Variants in PCDHGA10 observed in about 807,000 individuals in gnomAD.
The protein encoded by PCDHGA10 is protocadherin gamma subfamily A, 10.
A neutral mutation model predicts 59.5 loss-of-function variants in PCDHGA10; 42 were observed. That is an observed-to-expected ratio of 0.71 (90% CI 0.55 to 0.91). The LOEUF is 0.91. Ranked by LOEUF, PCDHGA10 falls within the 40% of genes least tolerant of loss-of-function variation. The probability of loss-of-function intolerance (pLI) is 0.00; values close to 1 mark genes in which losing one functional copy is unlikely to be tolerated. For missense variants in PCDHGA10, 1,111 were observed against 1,198.2 expected, an observed-to-expected ratio of 0.93 and a Z score of 1.07; for synonymous variants, 511 against 517.2, an observed-to-expected ratio of 0.99 and a Z score of 0.16.
Position 141,413,033 on chromosome 5 carries a change from T to G in PCDHGA10, c.-143T>G. On this transcript the variant is annotated 5_prime_UTR_variant, in exon 1 of 4. Coordinates refer to ENST00000398610, the MANE Select transcript of PCDHGA10 (RefSeq NM_018913.3). Reference sequence around the variant, plus strand: ...AACTACACAAGCCCCACAAACCGGCTGCTGGGCTGCAGGGAAGCTCACTCC... The same window carrying G: ...AACTACACAAGCCCCACAAACCGGCGGCTGGGCTGCAGGGAAGCTCACTCC... 1 of 776,760 alleles carries G rather than the reference T, an allele frequency of 1.3e-6. No individual in the cohort carries two copies. The highest frequency in any genetic ancestry group is 2.0e-6 in the Non-Finnish European group (1 of 506,830). The allele number at this position is 776,760 out of a possible 1,614,324, so 48.1% of individuals were successfully genotyped here.
intron 1 of PCDHGA10, chr5:141,427,973 C>G (rs754410723): frequency 3.1e-6 from 5 of 1,593,936 alleles, no homozygotes; most frequent in Non-Finnish European, 3.4e-6. Flanking sequence ...TGCTGTACCC[C>G]GCGCTGGGGC....
Position 141,486,200 on chromosome 5 carries a change from G to A in PCDHGA10, c.2437-8607G>A, listed in dbSNP as rs764874531. The stretch of plus-strand genomic sequence containing the variant: ...CAGCCTTCGAGTGGATCTGCTGGAC[G>A]TAAATGACAATGCCCCTTACATCAC... On this transcript the variant is annotated intron_variant, in intron 1 of 3. Transcript: ENST00000398610. The surrounding 1 kb of genome is among the most constrained non-coding windows in gnomAD (Gnocchi z 5.0). The A allele has an allele frequency of 2.0e-5, 32 of 1,614,096 alleles. No homozygotes were observed. Among genetic ancestry groups the A allele is most frequent in the Non-Finnish European group, 2.3e-5 (27 of 1,180,040 alleles).
rs144018757 is a variant in PCDHGA10, at chr5:141,443,001, A to G, written c.2436+27390A>G. On this transcript the variant is annotated intron_variant, in intron 1 of 3. Transcript: ENST00000398610. ...GTTAGCCTATAATTTCAGTAAATCTAAGAATATGACTAATGGAAGTTGCCA... is the reference window on the plus strand; with the variant it reads ...GTTAGCCTATAATTTCAGTAAATCTGAGAATATGACTAATGGAAGTTGCCA... Among the ~76,000 whole-genome samples the G allele has an allele frequency of 1.3e-3, 194 of 152,312 alleles. 1 individual carries two copies. The East Asian group carries it at 0.032, about 25-fold the overall frequency.
In PCDHGA10 at chr5:141,431,746, G is replaced by C. The variant is rs780453684; in HGVS notation, c.2436+16135G>C. 6.2e-7 allele frequency: 1 copy of C among 1,614,062 alleles called. No individual in the cohort carries two copies. Among genetic ancestry groups the C allele is most frequent in the African/African-American group, 1.3e-5 (1 of 74,932 alleles). On this transcript the variant is annotated intron_variant, in intron 1 of 3. Transcript: ENST00000398610. The surrounding 1 kb of genome is among the most constrained non-coding windows in gnomAD (Gnocchi z 4.8). ...CAATGGATAATGCAGGATATTCTGC[G>C]CGAGCCAAAGTCCTGATCACTGTTC... is the stretch of plus-strand genomic sequence containing the variant.
In PCDHGA10 at chr5:141,482,160, T is replaced by C. The variant is rs577572891; in HGVS notation, c.2437-12647T>C. Reference sequence around the variant, plus strand: ...GCATAAAAAGGTCAAGTCAAAGATATGTAAGATTAAGGCTTTACGATGCTC... The same window carrying C: ...GCATAAAAAGGTCAAGTCAAAGATACGTAAGATTAAGGCTTTACGATGCTC... On this transcript the variant is annotated intron_variant, in intron 1 of 3. Coordinates refer to ENST00000398610, the MANE Select transcript of PCDHGA10 (RefSeq NM_018913.3). 1.6e-4 allele frequency among the ~76,000 whole-genome samples: 25 copies of C among 151,966 alleles called. No homozygotes were observed. In the South Asian group the frequency reaches 4.0e-3, roughly 24 times the overall value.
intron 1 of PCDHGA10, chr5:141,418,768 T>C (rs1216316680): frequency 6.2e-7 from 1 of 1,613,712 alleles, no homozygotes; most frequent in Non-Finnish European, 8.5e-7. Context: ...ACATTCTAAC[T>C]CAGCAGCCTT....
intron 1 of PCDHGA10, among the ~76,000 whole-genome samples, chr5:141,469,821 G>A (rs2099212107): frequency 6.6e-6 from 1 of 152,028 alleles, no homozygotes; most frequent in Admixed American, 6.6e-5. Flanking sequence ...TAGAATGGAG[G>A]TCACATAAAA....
At chr5:141,457,532 T>C (rs2098923599) in intron 1 of PCDHGA10, among the ~76,000 whole-genome samples, 1 of 152,058 alleles carries the variant, frequency 6.6e-6, no homozygotes, top group Admixed American at 6.6e-5. Flanking sequence ...GAGACTAGGG[T>C]TTAATGACAA....
chr5:141,472,623 TAA>T (rs2099291037), intron 1 of PCDHGA10, among the ~76,000 whole-genome samples: 1 of 152,018 alleles, frequency 6.6e-6, no homozygotes, highest in Non-Finnish European at 1.5e-5. Context: ...AGAAAAAAGA[TAA>T]AGACTGGGAA....
intron 1 of PCDHGA10, chr5:141,424,630 A>G (rs1440031596): frequency 1.3e-5 from 2 of 152,366 alleles, no homozygotes; most frequent in East Asian, 3.9e-4. Flanking sequence ...TTGTGAATAT[A>G]TAAATAGATT....
chr5:141,415,740 G>GTTTTTTTTT (rs57426385), intron 1 of PCDHGA10, 129 bp downstream of exon 1: 68 of 625,028 alleles, frequency 1.1e-4, no homozygotes, highest in African/African-American at 1.3e-4. Context: ...GTTTATTAAG[G>GTTTTTTTTT]TTTTTTTTTT....
rs375516156 is a variant in PCDHGA10 at position 141,510,311 on chromosome 5, C to G, written c.2585-636C>G. Among the ~76,000 whole-genome samples, 70 of 151,056 alleles carry G rather than the reference C, an allele frequency of 4.6e-4. No homozygotes were observed. The South Asian group carries it at 0.014, about 31-fold the overall frequency. On this transcript the variant is annotated intron_variant, in intron 3 of 3. Transcript: ENST00000398610. The stretch of plus-strand genomic sequence containing the variant: ...AAAAAATGCTGTTTTGAAATGGAGG[C>G]TTGGAAGAGCACTCTTCACCCCCAC...
chr5:141,425,401 T>C (rs1280463432), intron 1 of PCDHGA10, among the ~76,000 whole-genome samples: 1 of 152,234 alleles, frequency 6.6e-6, no homozygotes, highest in Non-Finnish European at 1.5e-5. Context: ...AAAGTTCTGT[T>C]AAGGTATAAC....
At chr5:141,470,682 T>C (rs2099236741) in intron 1 of PCDHGA10, among the ~76,000 whole-genome samples, 1 of 152,138 alleles carries the variant, frequency 6.6e-6, no homozygotes, top group Non-Finnish European at 1.5e-5. Flanking sequence ...TGTTACCATC[T>C]TGAAATTCTT....
chr5:141,421,834 C>A, intron 1 of PCDHGA10: 2 of 1,613,748 alleles, frequency 1.2e-6, no homozygotes. Flanking sequence ...AAGCCTGGAC[C>A]GAGAGAAAGA....
At chr5:141,483,648 TTGTGTGTGTG>T (rs111458813) in intron 1 of PCDHGA10, among the ~76,000 whole-genome samples, 35 of 149,708 alleles carry the variant, frequency 2.3e-4, no homozygotes, top group Non-Finnish European at 4.6e-4. Flanking sequence ...GGGTGTGTGT[TTGTGTGTGTG>T]TGTGTGTGTG....
intron 1 of PCDHGA10, chr5:141,478,885 A>G (rs2099483148): frequency 8.4e-7 from 1 of 1,193,320 alleles, no homozygotes; most frequent in East Asian, 2.6e-5. Flanking sequence ...GCTTGGTATC[A>G]TTTACATTAG....
At chr5:141,425,209 A>G (rs2096861765) in intron 1 of PCDHGA10, among the ~76,000 whole-genome samples, 1 of 152,180 alleles carries the variant, frequency 6.6e-6, no homozygotes, top group African/African-American at 2.4e-5. Context: ...GATGTAAGGC[A>G]TTGTACTTTG....
chr5:141,443,555 C>T (rs1284929219), intron 1 of PCDHGA10, among the ~76,000 whole-genome samples: 1 of 152,130 alleles, frequency 6.6e-6, no homozygotes, highest in East Asian at 1.9e-4. Flanking sequence ...TGTTCCAATT[C>T]AAATGCTTTA....
Sources: gnomAD v4.1 joint callset for allele counts (sites outside exome capture counted in the v4.1 genomes callset) on GRCh38, gnomAD v4.1.1 for gene constraint, Gnocchi (gnomAD v3.1) non-coding constraint, MANE v1.5 for transcripts, NCBI Gene and HGNC (gene_info 2026-07-23, HGNC 2026-07-21) for gene names.